GXYLT2: variants seen among roughly 807,000 people sequenced by gnomAD.
The protein encoded by GXYLT2 is glycosyltransferase 8 domain containing 4.
GXYLT2 carries 53 observed loss-of-function variants against 45.8 expected under a neutral mutation model. The ratio of observed to expected loss-of-function variants is 1.16; its 90% confidence interval spans 0.93 to 1.46. GXYLT2 has a LOEUF of 1.46. Ranked by LOEUF, GXYLT2 falls within the 40% of genes most tolerant of loss-of-function variation. GXYLT2 has a pLI of 0.00. For synonymous variants in GXYLT2, 219 were observed against 214.2 expected (o/e 1.02, Z -0.19); for missense variants, 551 against 544.4 (o/e 1.01, Z -0.12).
chr3:72,957,568 C>T (rs1196027635), intron 5 of GXYLT2, among the ~76,000 whole-genome samples: 1 of 152,122 alleles, frequency 6.6e-6, no homozygotes, highest in African/African-American at 2.4e-5. Flanking sequence ...TTGAAACTTC[C>T]AACACTGGAC....
chr3:72,888,081 C>G lies in GXYLT2; in HGVS notation c.-153C>G, dbSNP rs972747641. 2 of 301,160 alleles carry G rather than the reference C, an allele frequency of 6.6e-6. No individual in the cohort carries two copies. Among genetic ancestry groups the G allele is most frequent in the African/African-American group, 4.6e-5 (2 of 43,364 alleles). 18.7% of individuals were successfully genotyped at this position (301,160 alleles called of 1,614,324 possible). On this transcript the variant is annotated 5_prime_UTR_variant, in exon 1 of 7. Transcript: ENST00000389617. ...TCTCCTCCTCCTTCGCCGTCGCCGC[C>G]GCCGCCGGCCGCCCGCCGGCCGCCA...
intron 1 of GXYLT2, among the ~76,000 whole-genome samples, chr3:72,895,681 A>C (rs1709274790): frequency 6.6e-6 from 1 of 152,240 alleles, no homozygotes; most frequent in South Asian, 2.1e-4. Flanking sequence ...TTGAAGATAG[A>C]ATTCATTTAT....
At position 72,975,152 on chromosome 3, in the gene GXYLT2, T is replaced by G; in HGVS notation, c.1325T>G (p.Met442Arg). The change falls in exon 7 of 7, where the codon ATG becomes AGG. Residue 442 changes from methionine (M) to arginine (R), a missense_variant. Physicochemically the swap from Met to Arg is moderately conservative, Grantham distance 91. Coordinates refer to ENST00000389617, the MANE Select transcript of GXYLT2 (RefSeq NM_001080393.2). ...HVIIHVGPNQ[M>R]H is the part of the protein sequence containing the mutation. Reference sequence around the variant, plus strand: ...ATCATCCATGTTGGCCCCAACCAGATGCACTGAATATTTTGTCTTGTTGCA... The same window carrying G: ...ATCATCCATGTTGGCCCCAACCAGAGGCACTGAATATTTTGTCTTGTTGCA... The G allele has an allele frequency of 6.2e-7, 1 of 1,610,534 alleles. No individual in the cohort carries two copies. Among genetic ancestry groups the G allele is most frequent in the Non-Finnish European group, 8.5e-7 (1 of 1,177,816 alleles).
intron 5 of GXYLT2, among the ~76,000 whole-genome samples, chr3:72,965,153 C>T (rs1345498946): frequency 2.0e-5 from 3 of 152,060 alleles, no homozygotes; most frequent in Admixed American, 6.6e-5. Flanking sequence ...ATGGAGTTCT[C>T]CTGAGAAAAG....
intron 1 of GXYLT2, among the ~76,000 whole-genome samples, chr3:72,896,806 C>T (rs762383084): frequency 6.6e-6 from 1 of 151,712 alleles, no homozygotes; most frequent in Non-Finnish European, 1.5e-5. Context: ...GCCGAGATAG[C>T]GCCACTGCAC....
intron 5 of GXYLT2, among the ~76,000 whole-genome samples, chr3:72,965,840 G>A (rs2107153491): frequency 6.6e-6 from 1 of 152,272 alleles, no homozygotes; most frequent in African/African-American, 2.4e-5. Flanking sequence ...AACCAACCAG[G>A]GTTTAGAGAT....
chr3:72,910,849 G>T (rs192178450), intron 2 of GXYLT2, among the ~76,000 whole-genome samples: 1 of 152,280 alleles, frequency 6.6e-6, no homozygotes, highest in East Asian at 1.9e-4. Context: ...TGCTCTATGT[G>T]GCGGAACAAA....
Position 72,888,292 on chromosome 3 carries a change from TG to T in GXYLT2, c.61del (p.Ala21ArgfsTer129). ...TTGCTCGCGCTGGCCGCGCTGCTGCTGGCGCTGCTGTCCCTGCGCGCTGGCC... is the reference window on the plus strand; with the variant it reads ...TTGCTCGCGCTGGCCGCGCTGCTGCTGCGCTGCTGTCCCTGCGCGCTGGCC... ...LLLLALAALL[L>X]ALLSLRAGRA... On this transcript the variant is annotated frameshift_variant, in exon 1 of 7. Coordinates refer to ENST00000389617, the MANE Select transcript of GXYLT2 (RefSeq NM_001080393.2). LOFTEE classifies it high-confidence loss of function. The T allele has an allele frequency of 1.0e-6, 1 of 993,376 alleles. No individual in the cohort carries two copies. The highest frequency in any genetic ancestry group is 1.2e-6 in the Non-Finnish European group (1 of 837,634). 61.5% of individuals were successfully genotyped at this position (993,376 alleles called of 1,614,324 possible).
chr3:72,901,468 GA>G (rs71124001), intron 1 of GXYLT2, among the ~76,000 whole-genome samples: 3,225 of 115,642 alleles, frequency 0.028, 130 homozygotes, highest in African/African-American at 0.089. Flanking sequence ...TGCATCAAAA[GA>G]AAAAAAAAAA....
chr3:72,897,237 A>G lies in GXYLT2; in HGVS notation c.275+8729A>G, dbSNP rs928553735. Among the ~76,000 whole-genome samples, 4 of 152,208 alleles carry G rather than the reference A, an allele frequency of 2.6e-5. No individual in the cohort carries two copies. In the East Asian group the frequency reaches 5.8e-4, roughly 22 times the overall value. On this transcript the variant is annotated intron_variant, in intron 1 of 6. Coordinates refer to ENST00000389617, the MANE Select transcript of GXYLT2 (RefSeq NM_001080393.2). Reference sequence around the variant, plus strand: ...AAAAGGGGTTTTAACTGGCTCATAAAACTGGAAAGTGCAAAGAGATAAAGC... The same window carrying G: ...AAAAGGGGTTTTAACTGGCTCATAAGACTGGAAAGTGCAAAGAGATAAAGC...
Position 72,908,556 on chromosome 3 carries a change from G to T in GXYLT2, c.465G>T (p.Lys155Asn). 1 of 1,608,648 alleles carries T rather than the reference G, an allele frequency of 6.2e-7. No homozygotes were observed. Among genetic ancestry groups the T allele is most frequent in the Non-Finnish European group, 8.5e-7 (1 of 1,177,778 alleles). Residue 155 changes from lysine to asparagine, a missense_variant, in exon 2 of 7, where the codon AAG becomes AAT. By Grantham distance (94) the Lys-to-Asn change is moderately conservative (BLOSUM62 0). Coordinates refer to ENST00000389617, the MANE Select transcript of GXYLT2 (RefSeq NM_001080393.2). Reference sequence around the variant, plus strand: ...ACTCTCTGAAGCCCGAGTTTGATAAGCAGGTGAATTTGCAGAAATCATGGC... The same window carrying T: ...ACTCTCTGAAGCCCGAGTTTGATAATCAGGTGAATTTGCAGAAATCATGGC... ...TEDSLKPEFD[K>N]QLRQWPDSYT...
chr3:72,961,674 A>AAAAAGAG (rs1278781750), intron 5 of GXYLT2, among the ~76,000 whole-genome samples: 23 of 119,006 alleles, frequency 1.9e-4, no homozygotes, highest in East Asian at 4.8e-4. Context: ...AAAAAAAAAA[A>AAAAAGAG]AGAGAGAGAG....
intron 3 of GXYLT2, among the ~76,000 whole-genome samples, chr3:72,939,772 C>T (rs543027124): frequency 1.0e-3 from 152 of 151,964 alleles, no homozygotes; most frequent in Middle Eastern, 3.4e-3. Context: ...CCTCAACCTC[C>T]CCAGGCTCAG....
chr3:72,914,170 C>T (rs567128684), intron 2 of GXYLT2, among the ~76,000 whole-genome samples: 13 of 152,228 alleles, frequency 8.5e-5, no homozygotes, highest in African/African-American at 1.9e-4. Context: ...ATGATTCCTC[C>T]GAAGGCTGCA....
At chr3:72,934,355 G>A (rs9873104) in intron 3 of GXYLT2, among the ~76,000 whole-genome samples, 2,445 of 151,952 alleles carry the variant, frequency 0.016, 54 homozygotes, top group African/African-American at 0.056. Context: ...CAAAGTGCTG[G>A]GATTATAGGC....
At chr3:72,967,325 T>C (rs1237921809) in intron 5 of GXYLT2, among the ~76,000 whole-genome samples, 4 of 152,172 alleles carry the variant, frequency 2.6e-5, no homozygotes, top group Non-Finnish European at 5.9e-5. Flanking sequence ...CACTCTCTTC[T>C]TTTTTTGGAT....
In GXYLT2 at chr3:72,955,360, G is replaced by A. The variant is rs1227656463; in HGVS notation, c.852+11G>A. 2 of 1,610,532 alleles carry A rather than the reference G, an allele frequency of 1.2e-6. No homozygotes were observed. Among genetic ancestry groups the A allele is most frequent in the Admixed American group, 3.3e-5 (2 of 59,866 alleles). On this transcript the variant is annotated intron_variant, in intron 4 of 6. Coordinates refer to ENST00000389617, the MANE Select transcript of GXYLT2 (RefSeq NM_001080393.2). ...AGTACCCAGTTCAAGGTAAACGAGT[G>A]CTTTAAAATTCCTTGTTTAAAGACT...
intron 3 of GXYLT2, among the ~76,000 whole-genome samples, chr3:72,953,765 T>G (rs1178045524): frequency 6.6e-6 from 1 of 152,154 alleles, no homozygotes; most frequent in Non-Finnish European, 1.5e-5. Context: ...GCCAATGACT[T>G]GCATTGCCTA....
chr3:72,971,703 C>T (rs1323705733), intron 6 of GXYLT2, among the ~76,000 whole-genome samples: 1 of 152,084 alleles, frequency 6.6e-6, no homozygotes, highest in Non-Finnish European at 1.5e-5. Context: ...AATCCCAGCA[C>T]TTTGGGAGGC....
Sources: allele counts gnomAD v4.1 joint callset (sites outside exome capture counted in the v4.1 genomes callset), GRCh38; gene constraint gnomAD v4.1.1; transcripts MANE v1.5; gene names NCBI Gene and HGNC (gene_info 2026-07-23, HGNC 2026-07-21).